NEGR1: variants seen among roughly 807,000 people sequenced by gnomAD.
NEGR1 encodes the protein IgLON family member 4.
Under a neutral mutation model 40.9 loss-of-function variants are expected in NEGR1, and 10 were observed. That is an observed-to-expected ratio of 0.24 (90% CI 0.15 to 0.42). NEGR1 has a LOEUF of 0.42. Ranked by LOEUF, NEGR1 falls within the 10% of genes least tolerant of loss-of-function variation. The pLI is 1.00. For synonymous variants in NEGR1, 185 were observed against 166.8 expected, an observed-to-expected ratio of 1.11 and a Z score of -0.84; for missense variants, 352 against 438.9, an observed-to-expected ratio of 0.80 and a Z score of 1.77.
At chr1:71,928,426 ATG>A (rs1264539630) in intron 2 of NEGR1, among the ~76,000 whole-genome samples, 4 of 86,264 alleles carry the variant, frequency 4.6e-5, no homozygotes, top group South Asian at 3.5e-4. Flanking sequence ...ATACACACAT[ATG>A]TATATATACA....
At chr1:71,798,736 G>A (rs1657432297) in intron 2 of NEGR1, among the ~76,000 whole-genome samples, 1 of 152,078 alleles carries the variant, frequency 6.6e-6, no homozygotes, top group Non-Finnish European at 1.5e-5. Flanking sequence ...AACAAAAACA[G>A]TAGAGCTTTA....
intron 2 of NEGR1, among the ~76,000 whole-genome samples, chr1:71,812,190 T>C (rs1250836942): frequency 6.6e-6 from 1 of 152,072 alleles, no homozygotes; most frequent in Non-Finnish European, 1.5e-5. Flanking sequence ...CGGCAATGGC[T>C]TCCAGTTCCA....
At chr1:72,155,201 T>C (rs1651314539) in intron 1 of NEGR1, among the ~76,000 whole-genome samples, 1 of 152,022 alleles carries the variant, frequency 6.6e-6, no homozygotes, top group African/African-American at 2.4e-5. Flanking sequence ...CTACGACTTT[T>C]ATCCCACTAG....
intron 2 of NEGR1, among the ~76,000 whole-genome samples, chr1:71,918,339 A>G (rs1661662858): frequency 6.6e-6 from 1 of 150,720 alleles, no homozygotes; most frequent in Admixed American, 6.6e-5. Flanking sequence ...AGTAATCCCA[A>G]CCACATGTCA....
intron 1 of NEGR1, among the ~76,000 whole-genome samples, chr1:71,946,600 A>C (rs935956144): frequency 6.6e-6 from 1 of 152,128 alleles, no homozygotes; most frequent in African/African-American, 2.4e-5. Context: ...TTAAACTGAT[A>C]TTATTCTACT....
At chr1:71,584,106 G>A (rs1323850169) in intron 6 of NEGR1, among the ~76,000 whole-genome samples, 2 of 152,110 alleles carry the variant, frequency 1.3e-5, no homozygotes, top group African/African-American at 4.8e-5. Context: ...TTCAAATCTT[G>A]TCTAACTATA....
intron 4 of NEGR1, among the ~76,000 whole-genome samples, chr1:71,630,309 C>A (rs1458146851): frequency 6.6e-6 from 1 of 151,882 alleles, no homozygotes; most frequent in Non-Finnish European, 1.5e-5. Context: ...ATAAACGATA[C>A]AGGATGAATG....
At chr1:72,044,926 G>T (rs1042776871) in intron 1 of NEGR1, among the ~76,000 whole-genome samples, 4 of 151,780 alleles carry the variant, frequency 2.6e-5, no homozygotes, top group African/African-American at 9.7e-5. Context: ...CATATCCGAG[G>T]TCATGCTTGT....
At chr1:71,567,592 T>C (rs1271465176) in intron 6 of NEGR1, among the ~76,000 whole-genome samples, 1 of 152,196 alleles carries the variant, frequency 6.6e-6, no homozygotes, top group East Asian at 1.9e-4. Flanking sequence ...GATTTATATA[T>C]AATAGAAATA....
chr1:71,741,322 T>C (rs911220628), intron 3 of NEGR1, among the ~76,000 whole-genome samples: 3 of 152,176 alleles, frequency 2.0e-5, no homozygotes, highest in African/African-American at 7.2e-5. Flanking sequence ...GCAAAAATAA[T>C]AGCAATGACA....
chr1:72,008,345 T>G (rs1010591969), intron 1 of NEGR1, among the ~76,000 whole-genome samples: 1 of 152,118 alleles, frequency 6.6e-6, no homozygotes, highest in East Asian at 1.9e-4. Context: ...AGAAAGGTTT[T>G]TCTATCTAAT....
At chr1:71,504,131 TAA>T (rs1364215737) in intron 6 of NEGR1, among the ~76,000 whole-genome samples, 1 of 150,588 alleles carries the variant, frequency 6.6e-6, no homozygotes, top group Non-Finnish European at 1.5e-5. Flanking sequence ...AATAAAAAAA[TAA>T]ACCTCCAAAT....
Position 71,944,453 on chromosome 1 carries a change from C to T in NEGR1, c.177-9142G>A, listed in dbSNP as rs117241491. Among the ~76,000 whole-genome samples, 46 of 152,210 alleles carry T rather than the reference C, an allele frequency of 3.0e-4. No individual in the cohort carries two copies. In the East Asian group the frequency reaches 8.7e-3, roughly 29 times the overall value. On this transcript the variant is annotated intron_variant, in intron 1 of 6. Transcript: ENST00000357731. ...GAGGGAATAAAGGACATGGACTTCT[C>T]TAGTAAGAACAGTATCAGCAATTGC...
intron 6 of NEGR1, among the ~76,000 whole-genome samples, chr1:71,431,637 T>C (rs2101295830): frequency 6.6e-6 from 1 of 152,274 alleles, no homozygotes; most frequent in Admixed American, 6.5e-5. Context: ...ATAACCCAGG[T>C]ACTTCCTAGG....
chr1:71,712,338 G>A (rs1654126804), intron 3 of NEGR1, among the ~76,000 whole-genome samples: 1 of 152,178 alleles, frequency 6.6e-6, no homozygotes. Flanking sequence ...TAGTCCCACA[G>A]GGAGGGACAG....
chr1:71,728,843 C>A (rs1654761778), intron 3 of NEGR1, among the ~76,000 whole-genome samples: 1 of 152,080 alleles, frequency 6.6e-6, no homozygotes, highest in Admixed American at 6.5e-5. Flanking sequence ...GTTATTCTTT[C>A]TGTAGTGATA....
chr1:71,959,781 T>C (rs1646148700), intron 1 of NEGR1, among the ~76,000 whole-genome samples: 1 of 152,134 alleles, frequency 6.6e-6, no homozygotes, highest in Admixed American at 6.5e-5. Flanking sequence ...GCCTGTTAAA[T>C]TTCCTAATTA....
chr1:72,195,501 T>TA (rs997174224), intron 1 of NEGR1, among the ~76,000 whole-genome samples: 26 of 151,902 alleles, frequency 1.7e-4, no homozygotes, highest in Admixed American at 1.4e-3. Flanking sequence ...TGTCTTCATT[T>TA]AAAAAAAATA....
At chr1:71,551,403 A>G (rs1339322964) in intron 6 of NEGR1, among the ~76,000 whole-genome samples, 3 of 151,666 alleles carry the variant, frequency 2.0e-5, no homozygotes, top group African/African-American at 4.8e-5. Flanking sequence ...ATGTACATAT[A>G]CACACAAATG....
Sources: allele counts gnomAD v4.1 joint callset (sites outside exome capture counted in the v4.1 genomes callset), GRCh38; gene constraint gnomAD v4.1.1; transcripts MANE v1.5; gene names NCBI Gene and HGNC (gene_info 2026-07-23, HGNC 2026-07-21).